Variants in DDX60L observed in about 807,000 individuals in gnomAD.
DDX60L encodes DExD/H-box 60 like.
A neutral mutation model predicts 211.6 loss-of-function variants in DDX60L; 191 were observed. The observed-to-expected ratio is 0.90, with a 90% confidence interval of 0.80 to 1.02. The LOEUF (loss-of-function observed/expected upper bound fraction) is 1.02, where lower values mean the gene tolerates loss of function less well. DDX60L is among the 50% of genes least tolerant of loss of function. DDX60L has a pLI of 0.00. For missense variants in DDX60L, 2,007 were observed against 1,984.1 expected (o/e 1.01, Z -0.22); for synonymous variants, 706 against 694.1 (o/e 1.02, Z -0.27).
chr4:168,442,667 C>A (rs1407869253), intron 9 of DDX60L, among the ~76,000 whole-genome samples: 5 of 151,752 alleles, frequency 3.3e-5, no homozygotes, highest in Non-Finnish European at 5.9e-5. Flanking sequence ...TCCCAGCACG[C>A]AGCTGGAGAT....
At chr4:168,407,102 T>C (rs1747876037) in intron 22 of DDX60L, among the ~76,000 whole-genome samples, 2 of 152,186 alleles carry the variant, frequency 1.3e-5, no homozygotes, top group Non-Finnish European at 2.9e-5. Flanking sequence ...AAATATCCCT[T>C]TGAAACAGAC....
chr4:168,465,111 A>G (rs1177227635), intron 4 of DDX60L, among the ~76,000 whole-genome samples: 1 of 151,742 alleles, frequency 6.6e-6, no homozygotes, highest in Non-Finnish European at 1.5e-5. Context: ...TCAAATTCAT[A>G]CCAGCAGCAT....
chr4:168,408,485 C>T (rs1490084980), intron 22 of DDX60L, among the ~76,000 whole-genome samples: 1 of 152,010 alleles, frequency 6.6e-6, no homozygotes, highest in East Asian at 1.9e-4. Context: ...GCTGGTTTCT[C>T]TTAAGCTGGC....
intron 36 of DDX60L, among the ~76,000 whole-genome samples, chr4:168,369,797 G>A (rs1560928876): frequency 2.0e-5 from 3 of 151,960 alleles, no homozygotes; most frequent in Admixed American, 1.3e-4. Flanking sequence ...TATACAAAAG[G>A]CCAACAGGTA....
chr4:168,391,678 A>C, intron 28 of DDX60L, 34 bp from the exon 29 acceptor site: 1 of 1,148,230 alleles, frequency 8.7e-7, no homozygotes, highest in Non-Finnish European at 1.2e-6. Flanking sequence ...TCAATACACA[A>C]TATAGCATAT....
chr4:168,452,230 T>A (rs571614718), intron 8 of DDX60L, among the ~76,000 whole-genome samples: 2 of 152,358 alleles, frequency 1.3e-5, no homozygotes, highest in African/African-American at 2.4e-5. Flanking sequence ...ACAGTATCTA[T>A]CAAGATCCTC....
intron 9 of DDX60L, among the ~76,000 whole-genome samples, chr4:168,446,550 C>A (rs549214188): frequency 6.6e-6 from 1 of 152,094 alleles, no homozygotes; most frequent in Non-Finnish European, 1.5e-5. Flanking sequence ...CATACGGAAC[C>A]GAAAAAGAGA....
chr4:168,410,785 T>G (rs1021716795), intron 22 of DDX60L, among the ~76,000 whole-genome samples: 1 of 152,262 alleles, frequency 6.6e-6, no homozygotes, highest in Admixed American at 6.5e-5. Flanking sequence ...ATGTTCCGAT[T>G]TTTATGTTGG....
intron 12 of DDX60L, among the ~76,000 whole-genome samples, chr4:168,431,682 C>A (rs1752380954): frequency 6.6e-6 from 1 of 151,376 alleles, no homozygotes; most frequent in African/African-American, 2.4e-5. Flanking sequence ...TGCACATGTA[C>A]CCTAAAACTT....
chr4:168,365,972 T>C (rs1178756812), intron 36 of DDX60L, among the ~76,000 whole-genome samples: 2 of 152,032 alleles, frequency 1.3e-5, no homozygotes, highest in African/African-American at 2.4e-5. Flanking sequence ...ATTCAAAACA[T>C]CCCTTCATAA....
intron 4 of DDX60L, chr4:168,469,278 T>C (rs923077369): frequency 1.3e-5 from 2 of 152,040 alleles, no homozygotes; most frequent in African/African-American, 4.8e-5. Context: ...GATTTTTTGA[T>C]GAAGAAACCA....
intron 34 of DDX60L, among the ~76,000 whole-genome samples, chr4:168,374,160 C>T (rs1310309547): frequency 2.6e-5 from 4 of 151,902 alleles, no homozygotes; most frequent in East Asian, 1.9e-4. Flanking sequence ...AGTACCATCT[C>T]GCTGGACTTG....
At position 168,432,539 on chromosome 4, in the gene DDX60L, G is replaced by A. The variant is rs750151540; in HGVS notation, c.1432C>T (p.Gln478Ter). The change falls in exon 12 of 38, where the codon CAA (glutamine) becomes TAA (stop). Residue 478 changes from glutamine to a stop codon, truncating the protein, a stop_gained. Transcript: ENST00000682922. LOFTEE classifies it high-confidence loss of function. Reference protein sequence around the residue: ...DDPVVPSLFKQKTSDELLHWH... With the variant: ...DDPVVPSLFK ...TGCAAAAGTTCATCAGATGTCTTTT[G>A]TTTAAACAGTGAAGGAACAACCGGA... 2 of 1,584,932 alleles carry A rather than the reference G, an allele frequency of 1.3e-6. No homozygotes were observed. The highest frequency in any genetic ancestry group is 1.7e-6 in the Non-Finnish European group (2 of 1,163,182).
intron 20 of DDX60L, 62 bp from the exon 21 acceptor site, chr4:168,415,861 A>G: frequency 7.5e-7 from 1 of 1,330,224 alleles, no homozygotes; most frequent in Non-Finnish European, 9.8e-7. Context: ...AAGAACTTGG[A>G]TATTTTAAAC....
chr4:168,471,005 A>C (rs1338991255), intron 4 of DDX60L, among the ~76,000 whole-genome samples: 1 of 152,226 alleles, frequency 6.6e-6, no homozygotes, highest in Non-Finnish European at 1.5e-5. Context: ...GCGTGTGTCA[A>C]AACTCAATGT....
chr4:168,375,604 T>TCA, intron 33 of DDX60L, 80 bp from the exon 34 acceptor site: 1 of 1,287,590 alleles, frequency 7.8e-7, no homozygotes, highest in Non-Finnish European at 1.0e-6. Context: ...GATTGCAGCA[T>TCA]AGTTCTGTAG....
intron 29 of DDX60L, among the ~76,000 whole-genome samples, chr4:168,389,035 C>A (rs1744363782): frequency 6.6e-6 from 1 of 152,156 alleles, no homozygotes. Context: ...GGGACCCAGG[C>A]AGCAGACTGT....
At chr4:168,460,789 G>A (rs988503538) in intron 5 of DDX60L, among the ~76,000 whole-genome samples, 2 of 152,294 alleles carry the variant, frequency 1.3e-5, no homozygotes, top group African/African-American at 4.8e-5. Context: ...CTTCAGACAC[G>A]AATCACAAAT....
At chr4:168,398,482 A>C (rs1166036355) in intron 26 of DDX60L, among the ~76,000 whole-genome samples, 1 of 152,196 alleles carries the variant, frequency 6.6e-6, no homozygotes, top group African/African-American at 2.4e-5. Flanking sequence ...CCTGGGTGCC[A>C]TGAACAGCAG....
Sources: allele counts gnomAD v4.1 joint callset (sites outside exome capture counted in the v4.1 genomes callset), GRCh38; gene constraint gnomAD v4.1.1; transcripts MANE v1.5; gene names NCBI Gene and HGNC (gene_info 2026-07-23, HGNC 2026-07-21).